The following MPC1 variants were observed in gnomAD, a reference collection of about 807,000 sequenced individuals.
MPC1 encodes mitochondrial pyruvate carrier 1, also known as HSPC040 protein.
Under a neutral mutation model 13.9 loss-of-function variants are expected in MPC1, and 6 were observed. That is an observed-to-expected ratio of 0.43 (90% CI 0.24 to 0.85). The LOEUF (loss-of-function observed/expected upper bound fraction) is 0.85. Among genes scored for constraint, MPC1 ranks in the 40% least tolerant of loss-of-function variants. MPC1 has a pLI of 0.24. For missense variants in MPC1, 115 were observed against 143.3 expected, an observed-to-expected ratio of 0.80 and a Z score of 1.01; for synonymous variants, 47 against 50.5, an observed-to-expected ratio of 0.93 and a Z score of 0.29.
chr6:166,374,079 C>T (rs573300321), intron 1 of MPC1, among the ~76,000 whole-genome samples: 2 of 152,110 alleles, frequency 1.3e-5, no homozygotes, highest in Non-Finnish European at 1.5e-5. Flanking sequence ...CTCTGCCTCC[C>T]GGGTTCAAGT....
At chr6:166,378,239 T>C (rs865979626) in intron 1 of MPC1, among the ~76,000 whole-genome samples, 1 of 152,242 alleles carries the variant, frequency 6.6e-6, no homozygotes, top group Non-Finnish European at 1.5e-5. Context: ...TTCTGAAAGC[T>C]TTCCTGGAGA....
At chr6:166,377,110 G>T in intron 1 of MPC1, among the ~76,000 whole-genome samples, 1 of 150,176 alleles carries the variant, frequency 6.7e-6, no homozygotes. Flanking sequence ...CTCCTTTCCT[G>T]GCATATCAGT....
intron 1 of MPC1, among the ~76,000 whole-genome samples, chr6:166,373,736 C>T (rs1310396068): frequency 2.0e-5 from 3 of 152,234 alleles, no homozygotes; most frequent in Non-Finnish European, 4.4e-5. Context: ...TGTTGATTCA[C>T]ATCCTAATCA....
intron 1 of MPC1, among the ~76,000 whole-genome samples, chr6:166,374,956 A>G (rs565900841): frequency 1.4e-4 from 22 of 152,288 alleles, no homozygotes; most frequent in Middle Eastern, 3.4e-3. Flanking sequence ...AAACTCCAAA[A>G]TCTGTGTGTT....
intron 1 of MPC1, among the ~76,000 whole-genome samples, chr6:166,382,210 C>T (rs1463713660): frequency 6.6e-6 from 1 of 152,230 alleles, no homozygotes; most frequent in African/African-American, 2.4e-5. Context: ...GTCACCCTGC[C>T]CTGAGGGGCG....
chr6:166,365,435 A>T lies in MPC1; in HGVS notation c.324T>A (p.Ser108=). Residue 108 remains serine (S), a synonymous_variant, in exon 5 of 5, where the codon TCT becomes TCA. Coordinates refer to ENST00000360961, the MANE Select transcript of MPC1 (RefSeq NM_016098.4). This position sits in a 1 kb window ranked among gnomAD's most constrained non-coding sequence, Gnocchi z 4.2. ...TGTTCTTCCTTTTCCATTGTTATGCAGATGCCGTTTTAGTCATCCTGGAAA... is the reference window on the plus strand; with the variant it reads ...TGTTCTTCCTTTTCCATTGTTATGCTGATGCCGTTTTAGTCATCCTGGAAA... ...LIKHEMTKTA[S]A 1 of 1,581,554 alleles carries T rather than the reference A, an allele frequency of 6.3e-7. No individual in the cohort carries two copies. Among genetic ancestry groups the T allele is most frequent in the Non-Finnish European group, 8.6e-7 (1 of 1,162,560 alleles).
At chr6:166,369,151 C>T (rs1384746313) in intron 2 of MPC1, among the ~76,000 whole-genome samples, 1 of 152,170 alleles carries the variant, frequency 6.6e-6, no homozygotes, top group Non-Finnish European at 1.5e-5. Flanking sequence ...CACCTGTAAT[C>T]CCAGTACTTT....
intron 1 of MPC1, among the ~76,000 whole-genome samples, chr6:166,375,715 C>T (rs773922018): frequency 1.3e-5 from 2 of 152,176 alleles, no homozygotes; most frequent in African/African-American, 2.4e-5. Flanking sequence ...TTCCAGCTTT[C>T]GTTAGTGACT....
chr6:166,372,259 A>T (rs1779408243), intron 1 of MPC1, among the ~76,000 whole-genome samples: 1 of 152,210 alleles, frequency 6.6e-6, no homozygotes, highest in Admixed American at 6.5e-5. Context: ...ATTTTAAAGG[A>T]TGTCGTACTT....
At chr6:166,374,107 C>T (rs1466716192) in intron 1 of MPC1, among the ~76,000 whole-genome samples, 2 of 152,082 alleles carry the variant, frequency 1.3e-5, no homozygotes, top group African/African-American at 4.8e-5. Context: ...CTGCCTCAGC[C>T]TCCCAAGTAG....
chr6:166,379,382 TACTCGGGA>T (rs1293667447), intron 1 of MPC1, among the ~76,000 whole-genome samples: 1 of 152,178 alleles, frequency 6.6e-6, no homozygotes, highest in African/African-American at 2.4e-5. Context: ...TAGCCCTAGC[TACTCGGGA>T]GGCTGAGGCA....
intron 1 of MPC1, among the ~76,000 whole-genome samples, chr6:166,372,707 A>C (rs1779424505): frequency 6.6e-6 from 1 of 150,932 alleles, no homozygotes; most frequent in Non-Finnish European, 1.5e-5. Flanking sequence ...CCAAATTAGA[A>C]AAAAAAATGC....
chr6:166,368,574 A>AC (rs1779258854), intron 2 of MPC1, among the ~76,000 whole-genome samples: 1 of 151,374 alleles, frequency 6.6e-6, no homozygotes, highest in South Asian at 2.1e-4. Context: ...AAAAAAAAAA[A>AC]AAGAAAATGA....
At chr6:166,369,966 G>A (rs1045691952) in intron 2 of MPC1, 5 of 656,354 alleles carry the variant, frequency 7.6e-6, no homozygotes, top group African/African-American at 7.2e-5. Context: ...CACTGTGACT[G>A]TTATCAATGA....
rs1332697451 is a variant in MPC1 at position 166,365,122 on chromosome 6, T to C, written c.*307A>G. ...CTAGTGGTTACAAATTTTGTTCTCT[T>C]CAGTTTTTCATTAAGTAAATTCTAA... On this transcript the variant is annotated 3_prime_UTR_variant, in exon 5 of 5. Transcript: ENST00000360961. This position sits in a 1 kb window ranked among gnomAD's most constrained non-coding sequence, Gnocchi z 4.2. The C allele has an allele frequency of 3.0e-5, 7 of 237,130 alleles. No individual in the cohort carries two copies. Among genetic ancestry groups the C allele is most frequent in the Non-Finnish European group, 5.6e-5 (7 of 124,728 alleles). 14.7% of individuals were successfully genotyped at this position (237,130 alleles called of 1,614,324 possible). A position where few individuals can be genotyped will look rare whatever the true frequency, so the allele number is the denominator to read the frequency against.
At chr6:166,366,194 C>CCTG in intron 3 of MPC1, 88 bp from the exon 4 acceptor site, 1 of 1,414,336 alleles carries the variant, frequency 7.1e-7, no homozygotes, top group Non-Finnish European at 9.4e-7. Context: ...TTCCATTGCC[C>CCTG]TGATCAAAAA....
intron 1 of MPC1, among the ~76,000 whole-genome samples, chr6:166,376,786 T>G (rs1362574707): frequency 6.6e-6 from 1 of 152,234 alleles, no homozygotes; most frequent in Admixed American, 6.5e-5. Flanking sequence ...CGCCTTTTCT[T>G]GATTAATGTT....
intron 1 of MPC1, among the ~76,000 whole-genome samples, chr6:166,377,860 G>A (rs1339286900): frequency 2.6e-5 from 4 of 152,192 alleles, no homozygotes; most frequent in Admixed American, 6.5e-5. Flanking sequence ...TTCAATTTCT[G>A]AAAGTCAATT....
In MPC1 at chr6:166,374,965, T is replaced by G. The variant is rs73265147; in HGVS notation, c.72-4744A>C. Among the ~76,000 whole-genome samples the G allele has an allele frequency of 6.9e-3, 1,048 of 152,324 alleles. 7 individuals are homozygous for G. Among genetic ancestry groups the G allele is most frequent in the African/African-American group, 0.024 (1,003 of 41,570 alleles). On this transcript the variant is annotated intron_variant, in intron 1 of 4. Coordinates refer to ENST00000360961, the MANE Select transcript of MPC1 (RefSeq NM_016098.4). ...CCATTTAAACTCCAAAATCTGTGTG[T>G]TGATATCCACAGAATAACGTGCTGG...
Sources: allele counts gnomAD v4.1 joint callset (sites outside exome capture counted in the v4.1 genomes callset), GRCh38; gene constraint gnomAD v4.1.1; non-coding constraint Gnocchi (gnomAD v3.1); transcripts MANE v1.5; gene names NCBI Gene and HGNC (gene_info 2026-07-23, HGNC 2026-07-21).